The following ITLN1 variants were observed in gnomAD, a reference collection of about 807,000 sequenced individuals.
The protein encoded by ITLN1 is intelectin-1.
Under a neutral mutation model 36.2 loss-of-function variants are expected in ITLN1, and 29 were observed. The observed-to-expected ratio is 0.80, with a 90% confidence interval of 0.60 to 1.09. The LOEUF (loss-of-function observed/expected upper bound fraction) is 1.09, where lower values mean the gene tolerates loss of function less well. Among genes scored for constraint, ITLN1 ranks in the 50% least tolerant of loss-of-function variants. ITLN1 has a pLI of 0.00. For synonymous variants in ITLN1, 143 were observed against 146.5 expected (o/e 0.98, Z 0.17); for missense variants, 358 against 405.2 (o/e 0.88, Z 1.00).
rs1221193365 is a variant in ITLN1 at position 160,882,217 on chromosome 1, C to G, written c.158-13G>C. On this transcript the variant is annotated splice_polypyrimidine_tract_variant and intron_variant, in intron 3 of 7. Coordinates refer to ENST00000326245, the MANE Select transcript of ITLN1 (RefSeq NM_017625.3). ...AAATACAGGCCATCTGTAGAGAGAACCAGCCCAGAGCCTCCCTGTCTGAGA... is the reference window on the plus strand; with the variant it reads ...AAATACAGGCCATCTGTAGAGAGAAGCAGCCCAGAGCCTCCCTGTCTGAGA... The G allele has an allele frequency of 6.4e-7, 1 of 1,561,502 alleles. No homozygotes were observed. The highest frequency in any genetic ancestry group is 2.3e-5 in the East Asian group (1 of 44,392).
intron 4 of ITLN1, 37 bp downstream of exon 4, chr1:160,881,920 C>A: frequency 2.5e-6 from 4 of 1,614,064 alleles, no homozygotes; most frequent in Non-Finnish European, 3.4e-6. Context: ...CACTCCACTC[C>A]TCACCCTCAC....
At chr1:160,878,385 C>CT (rs36015074) in intron 7 of ITLN1, among the ~76,000 whole-genome samples, 740 of 140,394 alleles carry the variant, frequency 5.3e-3, no homozygotes, top group African/African-American at 9.8e-3. Context: ...CTTTTTCTTT[C>CT]TTTTTTTTTT....
chr1:160,883,589 A>T (rs11265509), intron 2 of ITLN1, 63 bp from the exon 3 acceptor site: 19,471 of 1,133,028 alleles, frequency 0.017, 599 homozygotes, highest in African/African-American at 0.1. Context: ...CTCTCCTATC[A>T]CTAGTCCCAC....
chr1:160,883,467 T>G lies in ITLN1; in HGVS notation c.118A>C (p.Ser40Arg). 6.2e-7 allele frequency: 1 copy of G among 1,613,862 alleles called. No homozygotes were observed. Among genetic ancestry groups the G allele is most frequent in the East Asian group, 2.2e-5 (1 of 44,886 alleles). ...CATTCGTCTTTGATTTCCTTGCAGC[T>G]TCTGGGCAGAGATGGAGACGAAGAA... ...TCSSSPSLPR[S>R]CKEIKDECPS... Residue 40 changes from serine (S) to arginine (R), a missense_variant, in exon 3 of 8, where the codon AGC becomes CGC. By Grantham distance (110) the Ser-to-Arg change is moderately radical. Coordinates refer to ENST00000326245, the MANE Select transcript of ITLN1 (RefSeq NM_017625.3).
At chr1:160,876,858 C>A (rs1228573329) in intron 7 of ITLN1, 42 bp from the exon 8 acceptor site, 3 of 1,595,830 alleles carry the variant, frequency 1.9e-6, no homozygotes, top group African/African-American at 2.7e-5. Context: ...GAGAGATCTG[C>A]CAGTGAGGCC....
intron 7 of ITLN1, among the ~76,000 whole-genome samples, chr1:160,877,585 C>T (rs1462323150): frequency 6.6e-6 from 1 of 152,146 alleles, no homozygotes; most frequent in Non-Finnish European, 1.5e-5. Context: ...GACCCAGAAC[C>T]TATTCATCAT....
At chr1:160,881,066 C>A in intron 5 of ITLN1, 88 bp downstream of exon 5, 1 of 1,381,432 alleles carries the variant, frequency 7.2e-7, no homozygotes. Flanking sequence ...GGGAGACAGA[C>A]CCATTAAAAA....
At position 160,878,342 on chromosome 1, in the gene ITLN1, G is replaced by C. The variant is rs552264660; in HGVS notation, c.789+969C>G. Among the ~76,000 whole-genome samples the C allele has an allele frequency of 7.6e-4, 115 of 150,822 alleles. 3 individuals are homozygous for C. The South Asian group carries it at 0.023, about 31-fold the overall frequency. On this transcript the variant is annotated intron_variant, in intron 7 of 7. Transcript: ENST00000326245. ...CAGAACCATGAGCCAATTAAACCTCGTTTCTTTATAAATTACCCAGTCTCA... is the reference window on the plus strand; with the variant it reads ...CAGAACCATGAGCCAATTAAACCTCCTTTCTTTATAAATTACCCAGTCTCA...
At chr1:160,880,079 C>T (rs73027837) in intron 6 of ITLN1, among the ~76,000 whole-genome samples, 1,650 of 151,990 alleles carry the variant, frequency 0.011, 27 homozygotes, top group African/African-American at 0.038. Context: ...CCGAAGGGGG[C>T]GGATCGCCAA....
Position 160,882,079 on chromosome 1 carries a change from T to C in ITLN1, c.283A>G (p.Thr95Ala). 1 of 1,614,184 alleles carries C rather than the reference T, an allele frequency of 6.2e-7. No homozygotes were observed. ...TGACTGGACCAGCGATCGCCCACCG[T>C]GCACTTCCCACGCATGTCATTCTCG... ...VHENDMRGKCTVGDRWSSQQG... is the reference protein window; with the variant it reads ...VHENDMRGKCAVGDRWSSQQG... Residue 95 changes from threonine to alanine, a missense_variant, in exon 4 of 8, where the codon ACG (threonine) becomes GCG (alanine). Transcript: ENST00000326245.
chr1:160,885,092 G>T lies in ITLN1; in HGVS notation c.-38C>A. ...TGAGTCTCAGCTGCACTTTCCTTGG[G>T]TACAGAGAGCTCCTTCACTCCCTCC... is the stretch of plus-strand genomic sequence containing the variant. On this transcript the variant is annotated 5_prime_UTR_variant, in exon 1 of 8. Transcript: ENST00000326245. 2.0e-6 allele frequency: 1 copy of T among 490,748 alleles called. No individual in the cohort carries two copies. Among genetic ancestry groups the T allele is most frequent in the Non-Finnish European group, 3.7e-6 (1 of 270,356 alleles). 30.4% of individuals were successfully genotyped at this position (490,748 alleles called of 1,614,324 possible).
intron 1 of ITLN1, 39 bp from the exon 2 acceptor site, chr1:160,884,922 AT>A: frequency 1.4e-6 from 2 of 1,403,050 alleles, no homozygotes; most frequent in Non-Finnish European, 2.0e-6. Flanking sequence ...CTTGGCCATC[AT>A]TTTTCTCTAC....
chr1:160,880,548 C>A, intron 6 of ITLN1, 40 bp downstream of exon 6: 1 of 1,605,810 alleles, frequency 6.2e-7, no homozygotes, highest in South Asian at 1.1e-5. Context: ...GAATGTATTC[C>A]CTTTCCTACC....
At chr1:160,883,915 G>A (rs990983226) in intron 2 of ITLN1, among the ~76,000 whole-genome samples, 1 of 152,152 alleles carries the variant, frequency 6.6e-6, no homozygotes, top group African/African-American at 2.4e-5. Context: ...GTAGAAGAAA[G>A]GCAAACTCAA....
intron 4 of ITLN1, 139 bp from the exon 5 acceptor site, chr1:160,881,451 TC>T: frequency 1.1e-6 from 1 of 908,718 alleles, no homozygotes; most frequent in Non-Finnish European, 1.6e-6. Context: ...GACACCCCAC[TC>T]CCAGCCGATG....
chr1:160,884,402 T>TA (rs1419742553), intron 2 of ITLN1, among the ~76,000 whole-genome samples: 193 of 151,922 alleles, frequency 1.3e-3, no homozygotes, highest in African/African-American at 4.7e-3. Flanking sequence ...AGCCTTTTCT[T>TA]TAAAAAAAAA....
chr1:160,880,477 G>A (rs1160076338), intron 6 of ITLN1, 111 bp downstream of exon 6: 1 of 1,112,464 alleles, frequency 9.0e-7, no homozygotes, highest in Non-Finnish European at 1.3e-6. Context: ...GGGCAATATA[G>A]GGAACATTAC....
intron 4 of ITLN1, 189 bp from the exon 5 acceptor site, chr1:160,881,501 G>A: frequency 1.6e-6 from 1 of 612,880 alleles, no homozygotes; most frequent in South Asian, 3.0e-5. Flanking sequence ...CTTGTTAGGA[G>A]GAAGTTGTGA....
intron 2 of ITLN1, among the ~76,000 whole-genome samples, chr1:160,883,855 G>A (rs1571143747): frequency 6.6e-6 from 1 of 152,234 alleles, no homozygotes; most frequent in Non-Finnish European, 1.5e-5. Context: ...CTTGCCTCTA[G>A]AGGGAATTGC....
Sources: allele counts gnomAD v4.1 joint callset (sites outside exome capture counted in the v4.1 genomes callset), GRCh38; gene constraint gnomAD v4.1.1; transcripts MANE v1.5; gene names NCBI Gene and HGNC (gene_info 2026-07-23, HGNC 2026-07-21).